Variants in CCDC85C observed in about 807,000 individuals in gnomAD.
CCDC85C encodes coiled-coil domain containing 85C.
CCDC85C carries 18 observed loss-of-function variants against 38.3 expected under a neutral mutation model. The ratio of observed to expected loss-of-function variants is 0.47; its 90% confidence interval spans 0.33 to 0.70. The LOEUF is 0.70. CCDC85C is among the 30% of genes least tolerant of loss of function. The pLI, the probability that CCDC85C is intolerant of heterozygous loss-of-function variation, is 0.03. For missense variants in CCDC85C, 566 were observed against 621.2 expected (o/e 0.91, Z 0.94); for synonymous variants, 264 against 293.8 (o/e 0.90, Z 1.04).
At position 99,507,515 on chromosome 14, in the gene CCDC85C, A is replaced by G. The variant is rs149094179; in HGVS notation, c.*7731T>C. On this transcript the variant is annotated 3_prime_UTR_variant, in exon 6 of 6. Transcript: ENST00000380243. ...TGGGCAGTCAAGGCTGCAGTGAGCT[A>G]TGATTGCACCACCGTACTCCAGCCT... The G allele has an allele frequency of 1.8e-3, 405 of 222,030 alleles. 2 individuals are homozygous for G. The highest frequency in any genetic ancestry group is 8.8e-3 in the African/African-American group (389 of 44,198). 13.8% of individuals were successfully genotyped at this position (222,030 alleles called of 1,614,324 possible).
intron 1 of CCDC85C, among the ~76,000 whole-genome samples, chr14:99,554,990 CTG>C (rs1424992737): frequency 6.6e-6 from 1 of 152,236 alleles, no homozygotes; most frequent in Admixed American, 6.5e-5. Context: ...GCCCACAAGA[CTG>C]TGTTTCTTTA....
rs780987425 is a variant in CCDC85C at position 99,500,588 on chromosome 14, C to T, written c.*14658G>A. ...TTTGTCTTCCTGTTTGAGATCTTTT[C>T]AGAATTTATCAGTGTCTCTGAGCAT... On this transcript the variant is annotated 3_prime_UTR_variant, in exon 6 of 6. Transcript: ENST00000380243. 5 of 565,508 alleles carry T rather than the reference C, an allele frequency of 8.8e-6. No homozygotes were observed. The highest frequency in any genetic ancestry group is 1.6e-5 in the Non-Finnish European group (5 of 319,388). The allele number at this position is 565,508 out of a possible 1,614,324, so 35.0% of individuals were successfully genotyped here.
At position 99,604,022 on chromosome 14, in the gene CCDC85C, G is replaced by A. The variant is rs1855413909; in HGVS notation, c.-63C>T. 2 of 1,076,740 alleles carry A rather than the reference G, an allele frequency of 1.9e-6. No homozygotes were observed. Among genetic ancestry groups the A allele is most frequent in the Admixed American group, 5.4e-5 (1 of 18,484 alleles). The allele number at this position is 1,076,740 out of a possible 1,614,324, so 66.7% of individuals were successfully genotyped here. On this transcript the variant is annotated 5_prime_UTR_variant, in exon 1 of 6. Transcript: ENST00000380243. ...CCGGCCGGCGCTTCCCCGCGCCGGGGCTCCGCTGGGCCGGTCCGCGCGCGG... is the reference window on the plus strand; with the variant it reads ...CCGGCCGGCGCTTCCCCGCGCCGGGACTCCGCTGGGCCGGTCCGCGCGCGG...
intron 1 of CCDC85C, among the ~76,000 whole-genome samples, chr14:99,602,096 T>G (rs1025490230): frequency 6.6e-6 from 1 of 152,210 alleles, no homozygotes; most frequent in Non-Finnish European, 1.5e-5. Flanking sequence ...ATTCTCCACC[T>G]TCAGGCAAAA....
chr14:99,557,386 G>A (rs558649484), intron 1 of CCDC85C, among the ~76,000 whole-genome samples: 1 of 152,326 alleles, frequency 6.6e-6, no homozygotes, highest in East Asian at 1.9e-4. Context: ...AGCATCTGAG[G>A]GATGCTGGTC....
intron 1 of CCDC85C, among the ~76,000 whole-genome samples, chr14:99,589,639 G>A (rs1243455937): frequency 6.6e-5 from 10 of 152,208 alleles, no homozygotes; most frequent in African/African-American, 2.4e-5. Flanking sequence ...GGGTTCAGGG[G>A]TCCCAGTTAA....
intron 1 of CCDC85C, among the ~76,000 whole-genome samples, chr14:99,561,609 C>G (rs1225945791): frequency 6.6e-6 from 1 of 152,204 alleles, no homozygotes; most frequent in African/African-American, 2.4e-5. Flanking sequence ...CTTGCAGGAC[C>G]TGCTCTGTGC....
intron 2 of CCDC85C, among the ~76,000 whole-genome samples, chr14:99,528,637 C>A (rs2139908939): frequency 6.6e-6 from 1 of 152,360 alleles, no homozygotes; most frequent in Non-Finnish European, 1.5e-5. Context: ...CTAGAGGCAC[C>A]CCAAGATCCC....
chr14:99,602,494 A>C (rs1158704586), intron 1 of CCDC85C, among the ~76,000 whole-genome samples: 1 of 152,248 alleles, frequency 6.6e-6, no homozygotes, highest in Non-Finnish European at 1.5e-5. Flanking sequence ...AAAGAAACTG[A>C]GGCACACAGA....
chr14:99,599,870 T>C (rs1440929635), intron 1 of CCDC85C, among the ~76,000 whole-genome samples: 2 of 152,054 alleles, frequency 1.3e-5, no homozygotes, highest in Non-Finnish European at 2.9e-5. Flanking sequence ...AGAGACCCTG[T>C]CTCTAAATAA....
At chr14:99,585,864 A>G (rs2055020331) in intron 1 of CCDC85C, among the ~76,000 whole-genome samples, 1 of 152,208 alleles carries the variant, frequency 6.6e-6, no homozygotes, top group Non-Finnish European at 1.5e-5. Flanking sequence ...TGCCAAACAC[A>G]GCAGGGAGGT....
intron 2 of CCDC85C, among the ~76,000 whole-genome samples, chr14:99,526,024 C>T (rs1473826481): frequency 1.3e-5 from 2 of 152,232 alleles, no homozygotes; most frequent in African/African-American, 4.8e-5. Context: ...AGCAACGCAG[C>T]CACATCCCTC....
chr14:99,538,950 G>A (rs979996049), intron 1 of CCDC85C, among the ~76,000 whole-genome samples: 10 of 152,168 alleles, frequency 6.6e-5, no homozygotes, highest in Admixed American at 2.0e-4. Context: ...CGGGCCACCT[G>A]TAGGCACAGA....
chr14:99,531,299 A>C (rs1294130045), intron 2 of CCDC85C, among the ~76,000 whole-genome samples: 1 of 152,074 alleles, frequency 6.6e-6, no homozygotes, highest in Non-Finnish European at 1.5e-5. Context: ...TTTGGCGCAC[A>C]ATGGAGTCTT....
Position 99,500,477 on chromosome 14 carries a change from A to T in CCDC85C, c.*14769T>A. On this transcript the variant is annotated 3_prime_UTR_variant, in exon 6 of 6. Transcript: ENST00000380243. Reference sequence around the variant, plus strand: ...TCAATAACGTAAAGATCTGTTTTGTAAAGGGAGACTCATGTATGTATTGAA... The same window carrying T: ...TCAATAACGTAAAGATCTGTTTTGTTAAGGGAGACTCATGTATGTATTGAA... The T allele has an allele frequency of 4.1e-6, 1 of 243,422 alleles. No homozygotes were observed. Among genetic ancestry groups the T allele is most frequent in the Non-Finnish European group, 7.8e-6 (1 of 128,106 alleles). The allele number at this position is 243,422 out of a possible 1,614,324, so 15.1% of individuals were successfully genotyped here.
At chr14:99,525,749 C>T (rs539415671) in intron 2 of CCDC85C, among the ~76,000 whole-genome samples, 2 of 152,360 alleles carry the variant, frequency 1.3e-5, no homozygotes, top group African/African-American at 2.4e-5. Flanking sequence ...CAAGTGACCA[C>T]TTGGACCACC....
In CCDC85C at chr14:99,603,167, C is replaced by G. The variant is rs1278798205; in HGVS notation, c.793G>C (p.Asp265His). The G allele has an allele frequency of 7.3e-7, 1 of 1,377,290 alleles. No homozygotes were observed. Among genetic ancestry groups the G allele is most frequent in the Non-Finnish European group, 9.4e-7 (1 of 1,068,036 alleles). 85.3% of individuals were successfully genotyped at this position (1,377,290 alleles called of 1,614,324 possible). ...HHRSIPNGLH[D>H]PSSTYIRQLE... ...GCTGCCCGGCCCGTGTAGTCCTTAC[C>G]GTGCAGGCCGTTGGGGATGCTGCGG... The change falls in exon 1 of 6, where the codon GAT (aspartate) becomes CAT (histidine). Residue 265 changes from aspartate to histidine, a missense_variant and splice_region_variant. By Grantham distance (81) the Asp-to-His change is moderately conservative. Around this residue, in one of 3 missense-constraint regions of CCDC85C, gnomAD observed 286 missense variants for 276.4 expected, o/e 1.03. Transcript: ENST00000380243. The surrounding 1 kb of genome is among the most constrained non-coding windows in gnomAD (Gnocchi z 7.5).
At position 99,503,032 on chromosome 14, in the gene CCDC85C, C is replaced by T. The variant is rs972801325; in HGVS notation, c.*12214G>A. On this transcript the variant is annotated 3_prime_UTR_variant, in exon 6 of 6. Coordinates refer to ENST00000380243, the MANE Select transcript of CCDC85C (RefSeq NM_001144995.2). The stretch of plus-strand genomic sequence containing the variant: ...TGGGTAGAGCAGGCTTTCCAGGTGG[C>T]GGCAACACCTGAGCACTGTTCCCAT... 11 of 1,588,442 alleles carry T rather than the reference C, an allele frequency of 6.9e-6. No homozygotes were observed. Among genetic ancestry groups the T allele is most frequent in the African/African-American group, 2.7e-5 (2 of 74,398 alleles).
chr14:99,523,390 C>G (rs966166844), intron 2 of CCDC85C, among the ~76,000 whole-genome samples: 3 of 152,154 alleles, frequency 2.0e-5, no homozygotes, highest in Non-Finnish European at 4.4e-5. Flanking sequence ...CTCTTGTGTT[C>G]TCCCAGCCCC....
Sources: allele counts gnomAD v4.1 joint callset (sites outside exome capture counted in the v4.1 genomes callset), GRCh38; gene constraint gnomAD v4.1.1; regional missense constraint gnomAD v4.1.1; non-coding constraint Gnocchi (gnomAD v3.1); transcripts MANE v1.5; gene names NCBI Gene and HGNC (gene_info 2026-07-23, HGNC 2026-07-21).